Variants in NBEAL1 observed in about 807,000 individuals in gnomAD.
NBEAL1 encodes the protein neurobeachin like 1, also known as neurobeachin-like protein 1.
A neutral mutation model predicts 351.3 loss-of-function variants in NBEAL1; 273 were observed. The observed-to-expected ratio is 0.78, with a 90% CI of 0.70 to 0.86. The LOEUF (loss-of-function observed/expected upper bound fraction) is 0.86, where lower values mean the gene tolerates loss of function less well. NBEAL1 is among the 40% of genes least tolerant of loss of function. NBEAL1 has a pLI of 0.00. For missense variants in NBEAL1, 2,961 were observed against 3,201.3 expected, an observed-to-expected ratio of 0.92 and a Z score of 1.81; for synonymous variants, 1,050 against 1,086.4, an observed-to-expected ratio of 0.97 and a Z score of 0.66.
intron 35 of NBEAL1, among the ~76,000 whole-genome samples, chr2:203,156,908 T>C (rs997022697): frequency 1.3e-5 from 2 of 152,220 alleles, no homozygotes; most frequent in African/African-American, 4.8e-5. Context: ...GCTGTTCTTA[T>C]TTCAATCAGA....
chr2:203,211,989 C>A (rs1176254388), intron 54 of NBEAL1, among the ~76,000 whole-genome samples: 2 of 151,964 alleles, frequency 1.3e-5, no homozygotes, highest in Non-Finnish European at 2.9e-5. Context: ...CAGGTTCAAG[C>A]GATTCTCCTG....
At chr2:203,151,640 G>C in intron 35 of NBEAL1, 51 bp downstream of exon 35, 1 of 1,503,340 alleles carries the variant, frequency 6.7e-7, no homozygotes, top group Non-Finnish European at 8.9e-7. Flanking sequence ...GAGAGTGTTC[G>C]TGGGGTTGAC....
intron 2 of NBEAL1, among the ~76,000 whole-genome samples, chr2:203,039,488 C>T (rs2061102334): frequency 6.8e-6 from 1 of 146,954 alleles, no homozygotes; most frequent in African/African-American, 2.5e-5. Flanking sequence ...ACTGCAACCT[C>T]CGCCTCCTGG....
chr2:203,028,018 G>T (rs978415430), intron 2 of NBEAL1, among the ~76,000 whole-genome samples: 2 of 152,046 alleles, frequency 1.3e-5, no homozygotes, highest in African/African-American at 2.4e-5. Flanking sequence ...CGAGTAGGTG[G>T]GACTACAGGC....
At chr2:203,022,500 G>T (rs1469148575) in intron 2 of NBEAL1, among the ~76,000 whole-genome samples, 1 of 151,994 alleles carries the variant, frequency 6.6e-6, no homozygotes, top group African/African-American at 2.4e-5. Flanking sequence ...GGACCTAAAA[G>T]GTTAACCTAG....
chr2:203,201,290 CT>C, intron 49 of NBEAL1, among the ~76,000 whole-genome samples: 1 of 152,156 alleles, frequency 6.6e-6, no homozygotes, highest in East Asian at 1.9e-4. Context: ...AAGATTTAAG[CT>C]TTCTTCACAC....
At chr2:203,022,029 C>T (rs1190362356) in intron 2 of NBEAL1, among the ~76,000 whole-genome samples, 1 of 147,064 alleles carries the variant, frequency 6.8e-6, no homozygotes, top group African/African-American at 2.5e-5. Flanking sequence ...GTAGCCTGGG[C>T]GACAGAGCAA....
intron 18 of NBEAL1, among the ~76,000 whole-genome samples, chr2:203,118,362 T>A (rs2106262090): frequency 6.6e-6 from 1 of 152,360 alleles, no homozygotes; most frequent in South Asian, 2.1e-4. Context: ...ATCCAAAGTT[T>A]ATGCATTGCA....
intron 51 of NBEAL1, among the ~76,000 whole-genome samples, chr2:203,208,293 A>C (rs1287364894): frequency 6.6e-6 from 1 of 152,210 alleles, no homozygotes; most frequent in Non-Finnish European, 1.5e-5. Flanking sequence ...GTCTCAAAAA[A>C]ATAAGGTTAT....
intron 4 of NBEAL1, among the ~76,000 whole-genome samples, chr2:203,051,610 T>C (rs2061323979): frequency 6.6e-6 from 1 of 151,980 alleles, no homozygotes. Context: ...TGACCTCTGA[T>C]AATTTGCTAT....
chr2:203,173,602 A>G (rs144320072), intron 41 of NBEAL1, among the ~76,000 whole-genome samples: 2 of 151,756 alleles, frequency 1.3e-5, no homozygotes, highest in Non-Finnish European at 2.9e-5. Flanking sequence ...ATTTGATTTG[A>G]CTTGATTTAC....
At chr2:203,216,560 G>A (rs923265725) in intron 55 of NBEAL1, among the ~76,000 whole-genome samples, 3 of 152,000 alleles carry the variant, frequency 2.0e-5, no homozygotes, top group African/African-American at 7.3e-5. Context: ...GGGCAATATA[G>A]TGAGATCTCA....
chr2:203,066,669 GC>G (rs1395531608), intron 6 of NBEAL1, among the ~76,000 whole-genome samples: 117 of 152,150 alleles, frequency 7.7e-4, no homozygotes, highest in African/African-American at 2.6e-3. Flanking sequence ...AGATGGGGCA[GC>G]CGGGCAGAGG....
At chr2:203,109,677 G>A (rs1485326786) in intron 14 of NBEAL1, among the ~76,000 whole-genome samples, 4 of 152,064 alleles carry the variant, frequency 2.6e-5, no homozygotes, top group Non-Finnish European at 5.9e-5. Context: ...CCGCCACCAC[G>A]CCTGGCTAAT....
At chr2:203,178,610 A>G (rs1234467885) in intron 42 of NBEAL1, among the ~76,000 whole-genome samples, 1 of 152,276 alleles carries the variant, frequency 6.6e-6, no homozygotes, top group Non-Finnish European at 1.5e-5. Flanking sequence ...ATGCTATAAT[A>G]TGAATGAACC....
intron 35 of NBEAL1, 109 bp from the exon 36 acceptor site, chr2:203,157,590 A>T: frequency 1.4e-6 from 1 of 720,216 alleles, no homozygotes; most frequent in Non-Finnish European, 2.1e-6. Flanking sequence ...TATAATATAC[A>T]TATTGTTATA....
At chr2:203,124,268 G>T (rs1423131232) in intron 19 of NBEAL1, among the ~76,000 whole-genome samples, 1 of 152,188 alleles carries the variant, frequency 6.6e-6, no homozygotes. Context: ...GGAAGGTCGA[G>T]ACTGCAGTGA....
At chr2:203,068,166 T>C (rs1458784818) in intron 6 of NBEAL1, among the ~76,000 whole-genome samples, 1 of 152,178 alleles carries the variant, frequency 6.6e-6, no homozygotes, top group Non-Finnish European at 1.5e-5. Context: ...TATTTGGAGA[T>C]TTAAACTAGC....
intron 14 of NBEAL1, among the ~76,000 whole-genome samples, chr2:203,109,688 T>G (rs1186762580): frequency 6.6e-6 from 1 of 151,912 alleles, no homozygotes. Context: ...CCTGGCTAAT[T>G]TTTGTATTTT....
Sources: allele counts gnomAD v4.1 joint callset (sites outside exome capture counted in the v4.1 genomes callset), GRCh38; gene constraint gnomAD v4.1.1; transcripts MANE v1.5; gene names NCBI Gene and HGNC (gene_info 2026-07-23, HGNC 2026-07-21).